BBS1: variants seen among roughly 807,000 people sequenced by gnomAD.
BBS1 encodes Bardet-Biedl syndrome 1.
BBS1 carries 60 observed loss-of-function variants against 73.9 expected under a neutral mutation model. That is an observed-to-expected ratio of 0.81 (90% CI 0.66 to 1.01). The LOEUF (loss-of-function observed/expected upper bound fraction) is 1.01. Ranked by LOEUF, BBS1 falls within the 50% of genes least tolerant of loss-of-function variation. BBS1 has a pLI of 0.00. For missense variants in BBS1, 718 were observed against 770.3 expected (o/e 0.93, Z 0.80); for synonymous variants, 283 against 317.4 (o/e 0.89, Z 1.15).
intron 15 of BBS1, 24 bp from the exon 16 acceptor site, chr11:66,531,631 CT>C: frequency 6.8e-6 from 11 of 1,613,868 alleles, no homozygotes; most frequent in Non-Finnish European, 8.5e-6. Context: ...GGCTGGTTTC[CT>C]TACTTCTTTG....
intron 13 of BBS1, among the ~76,000 whole-genome samples, chr11:66,527,923 G>C (rs961244269): frequency 1.3e-5 from 2 of 152,040 alleles, no homozygotes; most frequent in African/African-American, 4.8e-5. Flanking sequence ...AGAGGCACAG[G>C]GTGTTGACCT....
chr11:66,520,227 G>T (rs1856160507), intron 8 of BBS1: 1 of 174,090 alleles, frequency 5.7e-6, no homozygotes. Flanking sequence ...TCATGTAGCA[G>T]TATATCATCA....
Position 66,531,027 on chromosome 11 carries a change from A to G in BBS1, c.1607A>G (p.Lys536Arg). The change falls in exon 15 of 17, where the codon AAG becomes AGG. Residue 536 changes from lysine (K) to arginine (R), a missense_variant and splice_region_variant. By Grantham distance (26) the Lys-to-Arg change is conservative. Transcript: ENST00000318312. ...TATTCCCTGCCCCGGGCCTTCTTCAAGGTACTGGATGCTCCTCACTTAGAT... is the reference window on the plus strand; with the variant it reads ...TATTCCCTGCCCCGGGCCTTCTTCAGGGTACTGGATGCTCCTCACTTAGAT... ...ALYSLPRAFF[K>R]VPLLVPGLNY... 1 of 1,614,154 alleles carries G rather than the reference A, an allele frequency of 6.2e-7. No homozygotes were observed. Among genetic ancestry groups the G allele is most frequent in the Non-Finnish European group, 8.5e-7 (1 of 1,180,026 alleles).
At chr11:66,519,824 G>A in intron 8 of BBS1, 76 bp downstream of exon 8, 1 of 1,572,084 alleles carries the variant, frequency 6.4e-7, no homozygotes, top group South Asian at 1.1e-5. Context: ...AGTTAGTTCT[G>A]GGTAATATAT....
In BBS1 at chr11:66,530,905, T is replaced by C. The variant is rs373894194; in HGVS notation, c.1485T>C (p.Leu495=). ...PLKLHAVVQG[L]GPTFKLTLHL... ...CACCCTCTCCATAGGTTCAGGGCCT[T>C]GGCCCCACCTTTAAGCTCACACTTC... is the stretch of plus-strand genomic sequence containing the variant. Residue 495 remains leucine (L), a synonymous_variant, in exon 15 of 17, where the codon CTT becomes CTC. Transcript: ENST00000318312. 30 of 1,614,058 alleles carry C rather than the reference T, an allele frequency of 1.9e-5. No individual in the cohort carries two copies. The highest frequency in any genetic ancestry group is 6.7e-5 in the East Asian group (3 of 44,888).
At chr11:66,529,231 C>G in intron 13 of BBS1, 2 of 1,499,306 alleles carry the variant, frequency 1.3e-6, no homozygotes, top group Non-Finnish European at 8.9e-7. Context: ...GGGGAAGAGT[C>G]ATGTGATCCT....
intron 9 of BBS1, chr11:66,523,102 G>A (rs1313107089): frequency 4.2e-6 from 2 of 473,402 alleles, no homozygotes; most frequent in East Asian, 6.4e-5. Context: ...TCATAATAAA[G>A]TGCCTAAGTC....
intron 7 of BBS1, 130 bp from the exon 8 acceptor site, chr11:66,519,487 C>T (rs910200419): frequency 2.3e-6 from 3 of 1,327,716 alleles, no homozygotes; most frequent in Non-Finnish European, 3.2e-6. Context: ...GTACTTAAAT[C>T]TTCTGTCACA....
At position 66,523,578 on chromosome 11, in the gene BBS1, T is replaced by C; in HGVS notation, c.951+2T>C. 1 of 1,614,096 alleles carries C rather than the reference T, an allele frequency of 6.2e-7. No individual in the cohort carries two copies. The highest frequency in any genetic ancestry group is 8.5e-7 in the Non-Finnish European group (1 of 1,180,024). Reference sequence around the variant, plus strand: ...AGCCTGCATGGCTTCACCCACAAGGTGCAGCCCCCAGCAAGCAGCAGCCCC... The same window carrying C: ...AGCCTGCATGGCTTCACCCACAAGGCGCAGCCCCCAGCAAGCAGCAGCCCC... On this transcript the variant is annotated splice_donor_variant, in intron 10 of 16. Transcript: ENST00000318312. LOFTEE classifies it high-confidence loss of function.
At chr11:66,520,976 C>G (rs900989546) in intron 8 of BBS1, 3 of 431,072 alleles carry the variant, frequency 7.0e-6, no homozygotes, top group Non-Finnish European at 1.3e-5. Context: ...GCCTCAGCCT[C>G]TCAAAGTGTT....
rs189602743 is a variant in BBS1 at position 66,519,240 on chromosome 11, G to A, written c.592-377G>A. 3.3e-5 allele frequency among the ~76,000 whole-genome samples: 5 copies of A among 152,222 alleles called. No homozygotes were observed. In the East Asian group the frequency reaches 5.8e-4, roughly 18 times the overall value. On this transcript the variant is annotated intron_variant, in intron 7 of 16. Transcript: ENST00000318312. ...ACAAAAAGTAGCTGGGCACGGTGGC[G>A]TGCGCCTGTAATCCCAGCTAGTTGG...
In BBS1 at chr11:66,526,721, C is replaced by G. The variant is rs1410252393; in HGVS notation, c.1253C>G (p.Pro418Arg). Reference protein sequence around the residue: ...FVEGGSEVGPPPAQAMKLNVP... With the variant: ...FVEGGSEVGPRPAQAMKLNVP... Reference sequence around the variant, plus strand: ...GAGGGAGGAAGTGAGGTGGGTCCCCCACCAGCCCAGGCCATGAAACTCAAT... The same window carrying G: ...GAGGGAGGAAGTGAGGTGGGTCCCCGACCAGCCCAGGCCATGAAACTCAAT... The change falls in exon 13 of 17, where the codon CCA (proline) becomes CGA (arginine). Residue 418 changes from proline to arginine, a missense_variant. By Grantham distance (103) the Pro-to-Arg change is moderately radical. Transcript: ENST00000318312. 6.2e-7 allele frequency: 1 copy of G among 1,614,196 alleles called. No individual in the cohort carries two copies. Among genetic ancestry groups the G allele is most frequent in the African/African-American group, 1.3e-5 (1 of 75,048 alleles).
chr11:66,531,983 C>T lies in BBS1; in HGVS notation c.1728C>T (p.Pro576=), dbSNP rs779302298. The T allele has an allele frequency of 6.2e-6, 10 of 1,606,078 alleles. No individual in the cohort carries two copies. Among genetic ancestry groups the T allele is most frequent in the Non-Finnish European group, 4.2e-6 (5 of 1,176,838 alleles). The change falls in exon 17 of 17, where the codon CCC becomes CCT. Residue 576 remains proline, a synonymous_variant. Coordinates refer to ENST00000318312, the MANE Select transcript of BBS1 (RefSeq NM_024649.5). Reference sequence around the variant, plus strand: ...TGCTTCGAGAAGGCCAAAGTGCACCCCTGCTGAGTGCCCACGTCAACATGC... The same window carrying T: ...TGCTTCGAGAAGGCCAAAGTGCACCTCTGCTGAGTGCCCACGTCAACATGC... The part of the protein sequence containing the change: ...VLVLREGQSA[P]LLSAHVNMPG...
chr11:66,515,192 C>G (rs1455239158), intron 4 of BBS1, among the ~76,000 whole-genome samples: 1 of 152,122 alleles, frequency 6.6e-6, no homozygotes, highest in South Asian at 2.1e-4. Flanking sequence ...TGAGCCAGTT[C>G]TCTTGGAGAG....
At chr11:66,511,403 A>G (rs536020758) in intron 3 of BBS1, among the ~76,000 whole-genome samples, 164 bp downstream of exon 3, 2 of 152,224 alleles carry the variant, frequency 1.3e-5, no homozygotes, top group Non-Finnish European at 2.9e-5. Context: ...AGTGAAGAGA[A>G]CTTATTGATT....
intron 11 of BBS1, among the ~76,000 whole-genome samples, chr11:66,525,498 G>A (rs1304692442): frequency 6.6e-6 from 1 of 151,826 alleles, no homozygotes; most frequent in Non-Finnish European, 1.5e-5. Flanking sequence ...AGGAGGCAGA[G>A]GTTGCAGTGA....
At position 66,523,545 on chromosome 11, in the gene BBS1, C is replaced by T. The variant is rs1340024264; in HGVS notation, c.920C>T (p.Thr307Ile). 2 of 1,614,148 alleles carry T rather than the reference C, an allele frequency of 1.2e-6. No homozygotes were observed. The highest frequency in any genetic ancestry group is 1.7e-6 in the Non-Finnish European group (2 of 1,180,020). The change falls in exon 10 of 17, where the codon ACC becomes ATC. Residue 307 changes from threonine (T) to isoleucine (I), a missense_variant. Thr to Ile is a moderately conservative substitution (Grantham distance 89, BLOSUM62 -1). Coordinates refer to ENST00000318312, the MANE Select transcript of BBS1 (RefSeq NM_024649.5). ...RVHKVLVVGS[T>I]QDSLHGFTHK... is the part of the protein sequence containing the mutation. ...CACAAGGTCCTAGTGGTGGGCAGCA[C>T]CCAAGACAGCCTGCATGGCTTCACC...
At chr11:66,513,464 T>G (rs1364710135) in intron 3 of BBS1, among the ~76,000 whole-genome samples, 2 of 152,154 alleles carry the variant, frequency 1.3e-5, no homozygotes, top group Non-Finnish European at 1.5e-5. Context: ...ACTTAACTTC[T>G]CTAAGACACA....
chr11:66,517,068 G>A (rs1428303437), intron 7 of BBS1, among the ~76,000 whole-genome samples: 3 of 151,878 alleles, frequency 2.0e-5, no homozygotes, highest in Admixed American at 6.6e-5. Context: ...GCATGGTAGC[G>A]GTCGCCTGTA....
Sources: gnomAD v4.1 joint callset for allele counts (sites outside exome capture counted in the v4.1 genomes callset) on GRCh38, gnomAD v4.1.1 for gene constraint, MANE v1.5 for transcripts, NCBI Gene and HGNC (gene_info 2026-07-23, HGNC 2026-07-21) for gene names.